Variants in NBAS observed in about 807,000 individuals in gnomAD.
The protein encoded by NBAS is NBAS subunit of NRZ tethering complex.
NBAS carries 219 observed loss-of-function variants against 302.5 expected under a neutral mutation model. The ratio of observed to expected loss-of-function variants is 0.72; its 90% confidence interval spans 0.65 to 0.81. The LOEUF (loss-of-function observed/expected upper bound fraction) is 0.81, where lower values mean the gene tolerates loss of function less well. Among genes scored for constraint, NBAS ranks in the 30% least tolerant of loss-of-function variants. The pLI is 0.00. For missense variants in NBAS, 2,932 were observed against 2,841.6 expected (o/e 1.03, Z -0.72); for synonymous variants, 1,118 against 1,021.6 (o/e 1.09, Z -1.80).
the NBAS span, among the ~76,000 whole-genome samples, chr2:14,885,023 C>G: frequency 2.6e-5 from 4 of 152,158 alleles, no homozygotes; most frequent in Non-Finnish European, 5.9e-5. Context: ...TGAGTCCACA[C>G]TGTATAGGGC....
At position 15,178,970 on chromosome 2, in the gene NBAS, A is replaced by G. The variant is rs1394592912; in HGVS notation, c.6840+18T>C. 4 of 1,613,492 alleles carry G rather than the reference A, an allele frequency of 2.5e-6. No individual in the cohort carries two copies. Among genetic ancestry groups the G allele is most frequent in the Middle Eastern group, 1.6e-4 (1 of 6,084 alleles). On this transcript the variant is annotated intron_variant, in intron 51 of 51. Transcript: ENST00000281513. ...TTAAAAAAAAAAAAAGAAAGAAAGT[A>G]AATTCAACTGGGCATACCGTAGTGA...
chr2:14,830,586 G>A, the NBAS span, among the ~76,000 whole-genome samples: 1 of 152,120 alleles, frequency 6.6e-6, no homozygotes. Context: ...GTTTGCGAAC[G>A]ACTGTCCTAA....
intron 9 of NBAS, among the ~76,000 whole-genome samples, chr2:15,515,204 A>C (rs1662330270): frequency 6.6e-6 from 1 of 151,768 alleles, no homozygotes; most frequent in Non-Finnish European, 1.5e-5. Context: ...TGAACAAGGC[A>C]TGTGCTCTGC....
At chr2:15,484,544 C>A (rs1433872296) in intron 12 of NBAS, among the ~76,000 whole-genome samples, 1 of 152,152 alleles carries the variant, frequency 6.6e-6, no homozygotes, top group Non-Finnish European at 1.5e-5. Flanking sequence ...AATTTGCCAC[C>A]TCCAGCATAC....
At chr2:15,500,331 C>T (rs945976179) in intron 11 of NBAS, among the ~76,000 whole-genome samples, 1 of 152,014 alleles carries the variant, frequency 6.6e-6, no homozygotes, top group African/African-American at 2.4e-5. Context: ...TTTATAAGTG[C>T]TGCTCTTCCA....
At position 15,424,227 on chromosome 2, in the gene NBAS, C is replaced by G; in HGVS notation, c.2577+88G>C. Reference sequence around the variant, plus strand: ...AATTATATACATGATTCCTGCACTGCTGTCAGCCCCGACTCCGTGTACTGA... The same window carrying G: ...AATTATATACATGATTCCTGCACTGGTGTCAGCCCCGACTCCGTGTACTGA... On this transcript the variant is annotated intron_variant, in intron 23 of 51. Transcript: ENST00000281513. 3 of 1,440,360 alleles carry G rather than the reference C, an allele frequency of 2.1e-6. No homozygotes were observed. In the South Asian group the frequency reaches 3.4e-5, roughly 17 times the overall value. The allele number at this position is 1,440,360 out of a possible 1,614,324, so 89.2% of individuals were successfully genotyped here.
intron 6 of NBAS, among the ~76,000 whole-genome samples, chr2:15,541,518 C>T (rs1262183759): frequency 6.6e-6 from 1 of 152,032 alleles, no homozygotes; most frequent in African/African-American, 2.4e-5. Context: ...GGAAAGTACA[C>T]CAGGCATCAA....
chr2:15,467,337 T>C lies in NBAS; in HGVS notation c.2089A>G (p.Thr697Ala), dbSNP rs1318699507. The C allele has an allele frequency of 6.2e-7, 1 of 1,610,702 alleles. No homozygotes were observed. The highest frequency in any genetic ancestry group is 1.3e-5 in the African/African-American group (1 of 74,846). The change falls in exon 19 of 52, where the codon ACA becomes GCA. Residue 697 changes from threonine to alanine, a missense_variant. Thr to Ala is a moderately conservative substitution (Grantham distance 58, BLOSUM62 0). Transcript: ENST00000281513. Reference sequence around the variant, plus strand: ...CAAAAATTATTCATTACCTCATATGTTGCAAGTCGATCTAAGTAGGTTAAT... The same window carrying C: ...CAAAAATTATTCATTACCTCATATGCTGCAAGTCGATCTAAGTAGGTTAAT... Reference protein sequence around the residue: ...KLLTYLDRLATYEEILGVPHA... With the variant: ...KLLTYLDRLAAYEEILGVPHA...
At chr2:14,955,864 G>T in the NBAS span, among the ~76,000 whole-genome samples, 2 of 152,182 alleles carry the variant, frequency 1.3e-5, no homozygotes, top group African/African-American at 4.8e-5. Flanking sequence ...TGCCATGAAG[G>T]TCTCTGACAT....
At chr2:15,512,046 A>G (rs1261833676) in intron 9 of NBAS, among the ~76,000 whole-genome samples, 1 of 152,252 alleles carries the variant, frequency 6.6e-6, no homozygotes, top group African/African-American at 2.4e-5. Flanking sequence ...TCTGTATAAC[A>G]GACATCACAG....
At chr2:15,096,205 A>G in the NBAS span, among the ~76,000 whole-genome samples, 1 of 152,220 alleles carries the variant, frequency 6.6e-6, no homozygotes, top group African/African-American at 2.4e-5. Flanking sequence ...GGGTTTTCAA[A>G]GCCCCACATT....
At chr2:15,005,315 C>A in the NBAS span, among the ~76,000 whole-genome samples, 1 of 152,290 alleles carries the variant, frequency 6.6e-6, no homozygotes, top group Middle Eastern at 3.4e-3. Flanking sequence ...TGGCAGCCAC[C>A]GTTCTATTCT....
the NBAS span, among the ~76,000 whole-genome samples, chr2:14,936,687 G>C: frequency 2.6e-5 from 4 of 152,214 alleles, no homozygotes; most frequent in Non-Finnish European, 5.9e-5. Flanking sequence ...CATCTGGGGA[G>C]ATTCGAGGTG....
chr2:15,482,993 C>T (rs888570942), intron 12 of NBAS, among the ~76,000 whole-genome samples: 5 of 151,906 alleles, frequency 3.3e-5, no homozygotes, highest in African/African-American at 1.2e-4. Flanking sequence ...CAGCCATAAC[C>T]CAAAGGAGGA....
the NBAS span, among the ~76,000 whole-genome samples, chr2:14,917,738 C>G: frequency 2.0e-5 from 3 of 152,292 alleles, no homozygotes; most frequent in African/African-American, 7.2e-5. Context: ...AAGGAATGGC[C>G]TCTTGCAAAG....
the NBAS span, among the ~76,000 whole-genome samples, chr2:14,999,963 G>C: frequency 6.6e-6 from 1 of 152,182 alleles, no homozygotes; most frequent in African/African-American, 2.4e-5. Flanking sequence ...ATGACAGTGT[G>C]AACTTTGCAA....
chr2:15,174,143 T>C (rs1344410869), intron 51 of NBAS, among the ~76,000 whole-genome samples: 1 of 152,180 alleles, frequency 6.6e-6, no homozygotes, highest in East Asian at 1.9e-4. Context: ...TAGAAATAAA[T>C]AGACATACCC....
chr2:14,931,334 A>G, the NBAS span, among the ~76,000 whole-genome samples: 2 of 152,266 alleles, frequency 1.3e-5, no homozygotes, highest in East Asian at 1.9e-4. Flanking sequence ...CTGCAAGGAC[A>G]TGGTATGTGA....
At chr2:15,363,224 A>C (rs1674025867) in intron 32 of NBAS, among the ~76,000 whole-genome samples, 1 of 152,152 alleles carries the variant, frequency 6.6e-6, no homozygotes, top group East Asian at 1.9e-4. Context: ...TGCTTAGCCA[A>C]TCCCCATAGT....
Sources: allele counts gnomAD v4.1 joint callset (sites outside exome capture counted in the v4.1 genomes callset), GRCh38; gene constraint gnomAD v4.1.1; transcripts MANE v1.5; gene names NCBI Gene and HGNC (gene_info 2026-07-23, HGNC 2026-07-21).